The following FABP7 variants were observed in gnomAD, a reference collection of about 807,000 sequenced individuals.
FABP7 encodes fatty acid-binding protein, brain.
In FABP7, 13 loss-of-function variants were observed where a neutral mutation model predicts 14.2. The observed-to-expected ratio is 0.91, with a 90% CI of 0.59 to 1.45. The LOEUF (loss-of-function observed/expected upper bound fraction) is 1.45. Among genes scored for constraint, FABP7 ranks in the 40% most tolerant of loss-of-function variants. FABP7 has a pLI of 0.00. For synonymous variants in FABP7, 49 were observed against 51.4 expected, an observed-to-expected ratio of 0.95 and a Z score of 0.20; for missense variants, 149 against 157.6, an observed-to-expected ratio of 0.95 and a Z score of 0.29.
the FABP7 span, among the ~76,000 whole-genome samples, chr6:122,761,852 T>C: frequency 6.6e-6 from 1 of 152,152 alleles, no homozygotes; most frequent in African/African-American, 2.4e-5. Flanking sequence ...TTCTTTTCTG[T>C]TTTTCAAGTT....
the FABP7 span, among the ~76,000 whole-genome samples, chr6:122,768,287 C>T: frequency 6.6e-6 from 1 of 152,086 alleles, no homozygotes; most frequent in Non-Finnish European, 1.5e-5. Flanking sequence ...AACAATTTGG[C>T]ATAACCTTCT....
At chr6:122,782,970 C>T (rs1199222883) in intron 3 of FABP7, 4 of 985,218 alleles carry the variant, frequency 4.1e-6, no homozygotes, top group African/African-American at 1.7e-5. Context: ...GATAGCTCAA[C>T]CGTGGCATGC....
chr6:122,764,490 A>G, the FABP7 span, among the ~76,000 whole-genome samples: 2 of 152,286 alleles, frequency 1.3e-5, no homozygotes, highest in East Asian at 3.9e-4. Context: ...ATACATATGT[A>G]ACAAACCTGT....
chr6:122,759,377 T>C, the FABP7 span, among the ~76,000 whole-genome samples: 1 of 152,174 alleles, frequency 6.6e-6, no homozygotes, highest in Non-Finnish European at 1.5e-5. Flanking sequence ...GTTAATTTGG[T>C]TAAAAACTGA....
chr6:122,763,722 T>C, the FABP7 span, among the ~76,000 whole-genome samples: 3 of 151,982 alleles, frequency 2.0e-5, no homozygotes, highest in Non-Finnish European at 4.4e-5. Context: ...CATCAACAAG[T>C]GGGTGAAGGA....
chr6:122,755,880 A>AGTGG, the FABP7 span, among the ~76,000 whole-genome samples: 2 of 152,120 alleles, frequency 1.3e-5, no homozygotes, highest in Non-Finnish European at 2.9e-5. Context: ...CCATTGAAAG[A>AGTGG]GTGGGTTAGG....
upstream of FABP7, among the ~76,000 whole-genome samples, chr6:122,777,013 G>A (rs1780687582): frequency 6.6e-6 from 1 of 152,106 alleles, no homozygotes; most frequent in African/African-American, 2.4e-5. Flanking sequence ...GAATAAATAT[G>A]TCACCATCTC....
At chr6:122,781,338 C>T (rs1440843687) in intron 3 of FABP7, 144 bp downstream of exon 3, 1 of 1,532,584 alleles carries the variant, frequency 6.5e-7, no homozygotes, top group Non-Finnish European at 8.8e-7. Context: ...GGTTCTTTAA[C>T]TATATGTAAA....
upstream of FABP7, among the ~76,000 whole-genome samples, chr6:122,777,284 G>A (rs1780690512): frequency 6.6e-6 from 1 of 152,136 alleles, no homozygotes. Context: ...ACATTTACTA[G>A]AGAAATAGTT....
chr6:122,761,111 G>A, the FABP7 span, among the ~76,000 whole-genome samples: 1 of 152,098 alleles, frequency 6.6e-6, no homozygotes, highest in Non-Finnish European at 1.5e-5. Flanking sequence ...TATTTTGGTA[G>A]AATTGTTTCG....
chr6:122,775,374 T>G (rs1292098527), upstream of FABP7, among the ~76,000 whole-genome samples: 1 of 152,076 alleles, frequency 6.6e-6, no homozygotes, highest in African/African-American at 2.4e-5. Context: ...TACAGACAAC[T>G]TATTTTCAAC....
the FABP7 span, among the ~76,000 whole-genome samples, chr6:122,772,433 T>C: frequency 6.6e-6 from 1 of 152,110 alleles, no homozygotes; most frequent in African/African-American, 2.4e-5. Context: ...CCTGGAGATT[T>C]ATCTCCCTCT....
At chr6:122,766,542 A>C in the FABP7 span, among the ~76,000 whole-genome samples, 1 of 152,128 alleles carries the variant, frequency 6.6e-6, no homozygotes, top group Non-Finnish European at 1.5e-5. Context: ...TTAGGTCTTA[A>C]AGTCCATACA....
chr6:122,765,656 C>A, the FABP7 span, among the ~76,000 whole-genome samples: 1 of 151,776 alleles, frequency 6.6e-6, no homozygotes. Context: ...GATCTGATTC[C>A]TTCTATTTAA....
At chr6:122,783,108 G>A (rs1390313361) in intron 3 of FABP7, 1 of 985,278 alleles carries the variant, frequency 1.0e-6, no homozygotes, top group East Asian at 1.1e-4. Context: ...CCTAAGTTCT[G>A]TAAAGTGGTT....
the FABP7 span, among the ~76,000 whole-genome samples, chr6:122,752,657 A>G: frequency 2.0e-5 from 3 of 152,176 alleles, no homozygotes; most frequent in Non-Finnish European, 4.4e-5. Context: ...CTAAGCTAGT[A>G]CACTTCTGAA....
chr6:122,756,819 C>G, the FABP7 span, among the ~76,000 whole-genome samples: 1 of 152,214 alleles, frequency 6.6e-6, no homozygotes, highest in Non-Finnish European at 1.5e-5. Flanking sequence ...TGACAGGTGA[C>G]CACTCACTCC....
chr6:122,762,106 A>C, the FABP7 span, among the ~76,000 whole-genome samples: 1 of 152,204 alleles, frequency 6.6e-6, no homozygotes, highest in Non-Finnish European at 1.5e-5. Flanking sequence ...ATTTTAGACC[A>C]ATATCCCTGA....
Position 122,783,782 on chromosome 6 carries a change from G to C in FABP7, c.*15G>C. On this transcript the variant is annotated 3_prime_UTR_variant, in exon 4 of 4. Coordinates refer to ENST00000368444, the MANE Select transcript of FABP7 (RefSeq NM_001446.5). ...AGAAGGCATAAAAATGTTCCTGGTC[G>C]GGGCTTGGAAGAGCTCTTCAGTTTT... 2 of 1,601,898 alleles carry C rather than the reference G, an allele frequency of 1.2e-6. No individual in the cohort carries two copies. The highest frequency in any genetic ancestry group is 1.7e-4 in the Middle Eastern group (1 of 6,040).
Sources: gnomAD v4.1 joint callset for allele counts (sites outside exome capture counted in the v4.1 genomes callset) on GRCh38, gnomAD v4.1.1 for gene constraint, MANE v1.5 for transcripts, NCBI Gene and HGNC (gene_info 2026-07-23, HGNC 2026-07-21) for gene names.